The following MAGI2 variants were observed in gnomAD, a reference collection of about 807,000 sequenced individuals.
The protein encoded by MAGI2 is membrane-associated guanylate kinase, WW and PDZ domain-containing protein 2.
MAGI2 carries 35 observed loss-of-function variants against 133.3 expected under a neutral mutation model. That is an observed-to-expected ratio of 0.26 (90% confidence interval 0.20 to 0.35). MAGI2 has a LOEUF of 0.35. Ranked by LOEUF, MAGI2 falls within the 10% of genes least tolerant of loss-of-function variation. The pLI, the probability that MAGI2 is intolerant of heterozygous loss-of-function variation, is 1.00. For synonymous variants in MAGI2, 729 were observed against 710.6 expected, an observed-to-expected ratio of 1.03 and a Z score of -0.41; for missense variants, 1,636 against 1,863.4, an observed-to-expected ratio of 0.88 and a Z score of 2.25.
At chr7:78,226,721 C>T (rs1184123161) in intron 10 of MAGI2, among the ~76,000 whole-genome samples, 3 of 152,122 alleles carry the variant, frequency 2.0e-5, no homozygotes, top group Admixed American at 6.5e-5. Flanking sequence ...TTTTAAAATG[C>T]ACTGTGCGTG....
intron 9 of MAGI2, among the ~76,000 whole-genome samples, chr7:78,303,592 G>C (rs1478268911): frequency 6.6e-6 from 1 of 152,160 alleles, no homozygotes; most frequent in East Asian, 1.9e-4. Flanking sequence ...AAAGCACTGT[G>C]CAGTCAGCAT....
At chr7:78,766,523 TCTC>T (rs1305631005) in intron 2 of MAGI2, among the ~76,000 whole-genome samples, 1 of 152,152 alleles carries the variant, frequency 6.6e-6, no homozygotes, top group Non-Finnish European at 1.5e-5. Context: ...GCTTGTGTCT[TCTC>T]CTCCATTGGC....
At chr7:78,336,546 T>C (rs1448310432) in intron 9 of MAGI2, among the ~76,000 whole-genome samples, 1 of 152,090 alleles carries the variant, frequency 6.6e-6, no homozygotes, top group East Asian at 1.9e-4. Flanking sequence ...AACAAAGTGA[T>C]ACCTTGTCTC....
intron 21 of MAGI2, among the ~76,000 whole-genome samples, chr7:78,060,012 A>C (rs1199531024): frequency 1.3e-5 from 2 of 152,076 alleles, no homozygotes; most frequent in Non-Finnish European, 2.9e-5. Flanking sequence ...TAGACATGGC[A>C]TTTCTGTAGC....
chr7:79,310,836 T>C (rs1016290673), intron 1 of MAGI2, among the ~76,000 whole-genome samples: 1 of 152,100 alleles, frequency 6.6e-6, no homozygotes, highest in African/African-American at 2.4e-5. Context: ...TACTGAAGAT[T>C]CCAGAAATTC....
At chr7:78,067,647 C>T (rs1211482839) in intron 21 of MAGI2, among the ~76,000 whole-genome samples, 1 of 152,154 alleles carries the variant, frequency 6.6e-6, no homozygotes, top group East Asian at 1.9e-4. Context: ...ATATTGAATC[C>T]AAACAGCACA....
Position 79,201,998 on chromosome 7 carries a change from A to G in MAGI2, c.302-194792T>C, listed in dbSNP as rs146347406. On this transcript the variant is annotated intron_variant, in intron 1 of 21. Transcript: ENST00000354212. ...TTTTATCAATTTCATGATTAAAGAC[A>G]TTAGTTGAATTTGCTTTTGGTGATA... Among the ~76,000 whole-genome samples the G allele has an allele frequency of 3.6e-4, 55 of 152,088 alleles. No individual in the cohort carries two copies. In the East Asian group the frequency reaches 0.01, roughly 28 times the overall value.
At chr7:78,565,190 G>A (rs563803510) in intron 3 of MAGI2, among the ~76,000 whole-genome samples, 51 of 152,074 alleles carry the variant, frequency 3.4e-4, no homozygotes, top group Middle Eastern at 3.4e-3. Context: ...CACCAGGCAC[G>A]GTGGCTTGCA....
At position 78,952,918 on chromosome 7, in the gene MAGI2, T is replaced by C. The variant is rs149308022; in HGVS notation, c.418+54172A>G. 1.6e-3 allele frequency among the ~76,000 whole-genome samples: 241 copies of C among 152,284 alleles called. 2 individuals are homozygous for C. The South Asian group carries it at 0.023, about 15-fold the overall frequency. On this transcript the variant is annotated intron_variant, in intron 2 of 21. Transcript: ENST00000354212. Reference sequence around the variant, plus strand: ...CTTAACCATGTTCTGGAATAGCCCATTAAAATATTTGGCAACAAATGTTTT... The same window carrying C: ...CTTAACCATGTTCTGGAATAGCCCACTAAAATATTTGGCAACAAATGTTTT...
chr7:78,191,730 G>A (rs1487566317), intron 12 of MAGI2, among the ~76,000 whole-genome samples: 2 of 152,148 alleles, frequency 1.3e-5, no homozygotes, highest in African/African-American at 4.8e-5. Context: ...AAGATAGGAG[G>A]TGTTTCCTAT....
intron 6 of MAGI2, among the ~76,000 whole-genome samples, chr7:78,466,592 T>A (rs1158930057): frequency 6.6e-6 from 1 of 152,184 alleles, no homozygotes; most frequent in African/African-American, 2.4e-5. Context: ...ACTTGCCTTT[T>A]GTGCTTTAAA....
At chr7:78,527,006 C>CAAAAAAAAAAAAAAAAAAAAAAAAAAA (rs55707442) in intron 3 of MAGI2, among the ~76,000 whole-genome samples, 9 of 45,426 alleles carry the variant, frequency 2.0e-4, no homozygotes, top group Non-Finnish European at 3.1e-4. Flanking sequence ...GACTCCATCT[C>CAAAAAAAAAAAAAAAAAAAAAAAAAAA]AAAAAAAAAA....
chr7:78,746,172 G>C (rs112833961), intron 2 of MAGI2, among the ~76,000 whole-genome samples: 36 of 152,240 alleles, frequency 2.4e-4, no homozygotes, highest in African/African-American at 3.9e-4. Flanking sequence ...CATGCCTCCT[G>C]ACTTTGTTTA....
At chr7:78,240,878 C>T (rs1233652995) in intron 10 of MAGI2, among the ~76,000 whole-genome samples, 3 of 147,974 alleles carry the variant, frequency 2.0e-5, no homozygotes, top group Non-Finnish European at 4.4e-5. Context: ...TTCAAAACAT[C>T]ATGTACACAA....
At chr7:78,926,935 C>T (rs556593623) in intron 2 of MAGI2, among the ~76,000 whole-genome samples, 9 of 151,896 alleles carry the variant, frequency 5.9e-5, no homozygotes, top group African/African-American at 1.4e-4. Context: ...TACAAGCTAA[C>T]CTTGGCCTGT....
intron 1 of MAGI2, among the ~76,000 whole-genome samples, chr7:79,332,315 T>C (rs56355133): frequency 0.19 from 28,903 of 152,248 alleles, 2,849 homozygotes; most frequent in Admixed American, 0.22. Flanking sequence ...CCCTCCCTAG[T>C]GTTTTGAATT....
chr7:79,447,503 G>A (rs1848939071), intron 1 of MAGI2, among the ~76,000 whole-genome samples: 1 of 151,988 alleles, frequency 6.6e-6, no homozygotes, highest in Non-Finnish European at 1.5e-5. Context: ...CCATTGAACT[G>A]TAAAATAGGA....
chr7:78,272,315 T>C (rs1794659037), intron 9 of MAGI2, among the ~76,000 whole-genome samples: 2 of 152,238 alleles, frequency 1.3e-5, no homozygotes, highest in Non-Finnish European at 2.9e-5. Flanking sequence ...AGACTGTTTA[T>C]GATTTCCGTT....
rs183637772 is a variant in MAGI2 at position 79,248,956 on chromosome 7, C to T, written c.301+204064G>A. On this transcript the variant is annotated intron_variant, in intron 1 of 21. Transcript: ENST00000354212. ...TCGGCTCACTGCAACCTCTGCTTCC[C>T]AGGTTCAAGCAATTCTCCTGCCTCA... Among the ~76,000 whole-genome samples, 844 of 152,078 alleles carry T rather than the reference C, an allele frequency of 5.5e-3. 9 individuals are homozygous for T. The highest frequency in any genetic ancestry group is 0.019 in the African/African-American group (806 of 41,480).
Sources: gnomAD v4.1 joint callset for allele counts (sites outside exome capture counted in the v4.1 genomes callset) on GRCh38, gnomAD v4.1.1 for gene constraint, MANE v1.5 for transcripts, NCBI Gene and HGNC (gene_info 2026-07-23, HGNC 2026-07-21) for gene names.